Variants in CSMD1 observed in about 807,000 individuals in gnomAD.
CSMD1 encodes the protein CUB and sushi domain-containing protein 1.
In CSMD1, 213 loss-of-function variants were observed where a neutral mutation model predicts 417.5. That is an observed-to-expected ratio of 0.51 (90% CI 0.46 to 0.57). The LOEUF is 0.57. CSMD1 is among the 20% of genes least tolerant of loss of function. The pLI, the probability that CSMD1 is intolerant of heterozygous loss-of-function variation, is 0.00. For missense variants in CSMD1, 6,923 were observed against 4,529.7 expected (o/e 1.53, Z -15.17); for synonymous variants, 2,862 against 1,736.8 (o/e 1.65, Z -16.11).
intron 5 of CSMD1, among the ~76,000 whole-genome samples, chr8:3,883,154 C>G (rs912983177): frequency 6.6e-6 from 1 of 152,096 alleles, no homozygotes; most frequent in East Asian, 1.9e-4. Flanking sequence ...CTTGCAAGCT[C>G]AGGCCTTGGA....
intron 2 of CSMD1, among the ~76,000 whole-genome samples, chr8:4,556,407 C>G (rs537525751): frequency 5.9e-5 from 9 of 152,238 alleles, no homozygotes; most frequent in Non-Finnish European, 1.0e-4. Context: ...GCTGGCAAGA[C>G]TACACGGAGA....
At chr8:3,723,685 A>C (rs1479496236) in intron 6 of CSMD1, among the ~76,000 whole-genome samples, 2 of 152,192 alleles carry the variant, frequency 1.3e-5, no homozygotes, top group African/African-American at 4.8e-5. Flanking sequence ...TTTTGGTAAG[A>C]GCAGGGTGAT....
chr8:4,605,817 T>C (rs1800837375), intron 2 of CSMD1, among the ~76,000 whole-genome samples: 2 of 152,154 alleles, frequency 1.3e-5, no homozygotes, highest in African/African-American at 4.8e-5. Context: ...CAGGTGAAAC[T>C]TGATGGTGGA....
intron 46 of CSMD1, among the ~76,000 whole-genome samples, chr8:3,102,944 G>A (rs1051991133): frequency 1.3e-5 from 2 of 152,076 alleles, no homozygotes; most frequent in African/African-American, 4.8e-5. Context: ...AAACTCCCCA[G>A]GCCTCCACAA....
intron 5 of CSMD1, among the ~76,000 whole-genome samples, chr8:3,842,878 A>C (rs1364467051): frequency 6.6e-6 from 1 of 152,212 alleles, no homozygotes; most frequent in Non-Finnish European, 1.5e-5. Flanking sequence ...TTTGTTTCAC[A>C]AACTTGACAT....
chr8:3,331,609 G>A (rs1000173575), intron 23 of CSMD1, among the ~76,000 whole-genome samples: 3 of 152,164 alleles, frequency 2.0e-5, no homozygotes, highest in Non-Finnish European at 4.4e-5. Context: ...GAGATAAAAT[G>A]AGACAATGAA....
intron 21 of CSMD1, among the ~76,000 whole-genome samples, chr8:3,358,543 C>A (rs1440163766): frequency 1.3e-5 from 2 of 152,162 alleles, no homozygotes; most frequent in African/African-American, 2.4e-5. Context: ...CAAGCCAATT[C>A]CTGCATGTGA....
At chr8:4,793,598 C>T (rs192797157) in intron 1 of CSMD1, among the ~76,000 whole-genome samples, 2 of 151,928 alleles carry the variant, frequency 1.3e-5, no homozygotes, top group African/African-American at 4.8e-5. Context: ...TGAGGCATTG[C>T]TCACTATCAT....
At chr8:3,955,478 T>G (rs1260755174) in intron 5 of CSMD1, among the ~76,000 whole-genome samples, 2 of 152,194 alleles carry the variant, frequency 1.3e-5, no homozygotes, top group African/African-American at 4.8e-5. Context: ...TTTGTACTGA[T>G]ATGTCATTCT....
intron 1 of CSMD1, among the ~76,000 whole-genome samples, chr8:4,806,215 G>C (rs530451063): frequency 3.0e-4 from 45 of 152,264 alleles, no homozygotes; most frequent in Middle Eastern, 3.4e-3. Context: ...AGCTCTCTAG[G>C]TGCAATTTCA....
intron 3 of CSMD1, among the ~76,000 whole-genome samples, chr8:4,374,979 G>A (rs1488111916): frequency 1.7e-5 from 2 of 118,734 alleles, no homozygotes; most frequent in African/African-American, 5.7e-5. Context: ...GGGGGCGATA[G>A]TGGGGGTACG....
chr8:4,770,782 C>G (rs1221724450), intron 1 of CSMD1, among the ~76,000 whole-genome samples: 1 of 152,078 alleles, frequency 6.6e-6, no homozygotes, highest in African/African-American at 2.4e-5. Flanking sequence ...AAATTGGACC[C>G]TTTATACCAT....
chr8:4,323,826 C>T (rs1004935092), intron 3 of CSMD1, among the ~76,000 whole-genome samples: 19 of 152,272 alleles, frequency 1.2e-4, no homozygotes, highest in African/African-American at 4.6e-4. Context: ...TCCTAATAAC[C>T]TCCTCCAGGT....
chr8:3,553,881 T>C (rs1008365353), intron 10 of CSMD1, among the ~76,000 whole-genome samples: 7 of 152,202 alleles, frequency 4.6e-5, no homozygotes, highest in African/African-American at 1.7e-4. Context: ...TACACATACA[T>C]ATCCACAACA....
At chr8:3,175,965 A>G (rs1182302693) in intron 37 of CSMD1, among the ~76,000 whole-genome samples, 2 of 152,180 alleles carry the variant, frequency 1.3e-5, no homozygotes, top group East Asian at 3.9e-4. Context: ...AAGCTAGGAT[A>G]ACTGCAACAG....
At chr8:3,302,394 C>CCTAT (rs759996923) in intron 25 of CSMD1, among the ~76,000 whole-genome samples, 50 of 152,264 alleles carry the variant, frequency 3.3e-4, no homozygotes, top group African/African-American at 4.6e-4. Context: ...TCCCTGGCTG[C>CCTAT]CTATCTAAGG....
intron 61 of CSMD1, 55 bp from the exon 62 acceptor site, chr8:2,961,269 AT>A (rs1324568713): frequency 1.7e-5 from 19 of 1,095,200 alleles, no homozygotes; most frequent in Non-Finnish European, 2.6e-5. Context: ...TATTGTGAGA[AT>A]TTTAACAGCT....
At chr8:3,715,978 G>A (rs1312329382) in intron 6 of CSMD1, among the ~76,000 whole-genome samples, 1 of 152,192 alleles carries the variant, frequency 6.6e-6, no homozygotes, top group Non-Finnish European at 1.5e-5. Context: ...GGTTCTCTTT[G>A]CATCTCTTCC....
At chr8:3,767,428 A>T (rs1461933486) in intron 5 of CSMD1, among the ~76,000 whole-genome samples, 1 of 152,204 alleles carries the variant, frequency 6.6e-6, no homozygotes, top group Admixed American at 6.5e-5. Context: ...TCATTGTGTG[A>T]ATAACGATAT....
Sources: gnomAD v4.1 joint callset for allele counts (sites outside exome capture counted in the v4.1 genomes callset) on GRCh38, gnomAD v4.1.1 for gene constraint, MANE v1.5 for transcripts, NCBI Gene and HGNC (gene_info 2026-07-23, HGNC 2026-07-21) for gene names.